The following ATP8B4 variants were observed in gnomAD, a reference collection of about 807,000 sequenced individuals.
ATP8B4 encodes the protein ATPase phospholipid transporting 8B4 (putative), also known as probable phospholipid-transporting ATPase IM.
A neutral mutation model predicts 145.6 loss-of-function variants in ATP8B4; 133 were observed. The ratio of observed to expected loss-of-function variants is 0.91; its 90% CI spans 0.79 to 1.05. ATP8B4 has a LOEUF of 1.05. Ranked by LOEUF, ATP8B4 falls within the 50% of genes least tolerant of loss-of-function variation. The probability of loss-of-function intolerance (pLI) is 0.00; values close to 1 mark genes in which losing one functional copy is unlikely to be tolerated. For synonymous variants in ATP8B4, 507 were observed against 492.9 expected (o/e 1.03, Z -0.38); for missense variants, 1,458 against 1,425.2 (o/e 1.02, Z -0.37).
At chr15:49,936,041 C>T (rs1814460) in intron 14 of ATP8B4, among the ~76,000 whole-genome samples, 82,855 of 151,878 alleles carry the variant, frequency 0.55, 23,622 homozygotes, top group Middle Eastern at 0.63. Flanking sequence ...TGTGTTCTTT[C>T]CTGTAGCCAA....
intron 10 of ATP8B4, among the ~76,000 whole-genome samples, chr15:49,984,428 G>A (rs1390755663): frequency 6.6e-6 from 1 of 152,090 alleles, no homozygotes. Context: ...GATTATAGGG[G>A]AAACAAAAGG....
At chr15:49,943,349 T>C (rs1431537122) in intron 14 of ATP8B4, among the ~76,000 whole-genome samples, 2 of 151,564 alleles carry the variant, frequency 1.3e-5, no homozygotes, top group African/African-American at 2.4e-5. Flanking sequence ...GAGAAGGAAA[T>C]GGAGATCCAT....
upstream of ATP8B4, among the ~76,000 whole-genome samples, chr15:50,120,772 T>C (rs2057261269): frequency 6.6e-6 from 1 of 152,178 alleles, no homozygotes; most frequent in South Asian, 2.1e-4. Flanking sequence ...GGTATATTGA[T>C]ACAAAAGAGT....
intron 14 of ATP8B4, among the ~76,000 whole-genome samples, chr15:49,954,484 CAA>C (rs1203566169): frequency 1.3e-5 from 2 of 151,952 alleles, no homozygotes; most frequent in Admixed American, 1.3e-4. Context: ...AATCATCAAG[CAA>C]AAAATGAATA....
At chr15:50,162,363 T>C (rs558586341) in intron 1 of ATP8B4, among the ~76,000 whole-genome samples, 14 of 151,622 alleles carry the variant, frequency 9.2e-5, no homozygotes, top group African/African-American at 3.4e-4. Context: ...TTAATATATT[T>C]CCCCAAATAC....
chr15:49,998,519 T>G (rs2047613631), intron 8 of ATP8B4, among the ~76,000 whole-genome samples: 1 of 152,238 alleles, frequency 6.6e-6, no homozygotes, highest in South Asian at 2.1e-4. Context: ...CACGTGTTTT[T>G]TGGCTGCATA....
intron 20 of ATP8B4, among the ~76,000 whole-genome samples, chr15:49,916,168 A>G (rs775403092): frequency 2.6e-5 from 4 of 152,114 alleles, no homozygotes; most frequent in Non-Finnish European, 5.9e-5. Context: ...AAGTTCTAGG[A>G]AAATATTTTT....
intron 14 of ATP8B4, among the ~76,000 whole-genome samples, chr15:49,955,844 T>C (rs1482283559): frequency 6.6e-6 from 1 of 152,080 alleles, no homozygotes; most frequent in Non-Finnish European, 1.5e-5. Flanking sequence ...TGAAATAAAA[T>C]GGTTCTTGCT....
intron 1 of ATP8B4, among the ~76,000 whole-genome samples, chr15:50,161,877 T>C (rs2044524595): frequency 6.6e-6 from 1 of 152,204 alleles, no homozygotes; most frequent in South Asian, 2.1e-4. Flanking sequence ...GATGATTTCT[T>C]AATCATTTTT....
At chr15:49,932,889 T>C (rs1485827718) in intron 15 of ATP8B4, among the ~76,000 whole-genome samples, 2 of 152,038 alleles carry the variant, frequency 1.3e-5, no homozygotes, top group South Asian at 4.1e-4. Context: ...CTTGCCTAAA[T>C]AGAACCCTCC....
At chr15:49,985,483 G>T (rs889611431) in intron 10 of ATP8B4, among the ~76,000 whole-genome samples, 2 of 152,176 alleles carry the variant, frequency 1.3e-5, no homozygotes, top group Non-Finnish European at 2.9e-5. Context: ...ACATCCATTT[G>T]TTCATCTCCG....
rs554622655 is a variant in ATP8B4 at position 50,100,951 on chromosome 15, T to C, written c.28+5988A>G. On this transcript the variant is annotated intron_variant, in intron 2 of 27. Coordinates refer to ENST00000284509, the MANE Select transcript of ATP8B4 (RefSeq NM_024837.4). ...TAAAAAAACAATTATGTACACAGTA[T>C]TTGTGCCAAAAATGTTTAACCCAAA... is the stretch of plus-strand genomic sequence containing the variant. 2.6e-5 allele frequency among the ~76,000 whole-genome samples: 4 copies of C among 152,348 alleles called. No homozygotes were observed. The East Asian group carries it at 7.7e-4, about 29-fold the overall frequency.
intron 23 of ATP8B4, among the ~76,000 whole-genome samples, chr15:49,893,052 T>A (rs1566940659): frequency 6.6e-6 from 1 of 152,226 alleles, no homozygotes; most frequent in Non-Finnish European, 1.5e-5. Context: ...GGGAACTGGA[T>A]GAAGTCACAC....
intron 2 of ATP8B4, among the ~76,000 whole-genome samples, chr15:50,086,602 AT>A (rs1235948870): frequency 9.5e-5 from 11 of 115,842 alleles, no homozygotes; most frequent in African/African-American, 3.8e-4. Context: ...AGAGATCTAT[AT>A]TTATTATATA....
At chr15:50,124,537 A>C (rs2057294868) in intron 1 of ATP8B4, among the ~76,000 whole-genome samples, 1 of 152,198 alleles carries the variant, frequency 6.6e-6, no homozygotes, top group South Asian at 2.1e-4. Flanking sequence ...CTACTAATAA[A>C]ATTTCAGGAA....
At chr15:49,962,868 A>AT (rs1457977766) in intron 13 of ATP8B4, among the ~76,000 whole-genome samples, 1 of 152,030 alleles carries the variant, frequency 6.6e-6, no homozygotes, top group African/African-American at 2.4e-5. Flanking sequence ...TGAGTCATTA[A>AT]TTTTTTAAAT....
chr15:50,022,147 T>C (rs1264950003), intron 6 of ATP8B4, among the ~76,000 whole-genome samples: 1 of 103,846 alleles, frequency 9.6e-6, no homozygotes, highest in Non-Finnish European at 1.7e-5. Flanking sequence ...CATATATGTA[T>C]ATTTGCCACA....
At chr15:50,173,806 C>A (rs1197824117) in intron 1 of ATP8B4, among the ~76,000 whole-genome samples, 1 of 152,008 alleles carries the variant, frequency 6.6e-6, no homozygotes, top group Non-Finnish European at 1.5e-5. Flanking sequence ...GCCAGCATCA[C>A]CCTAATACCA....
chr15:49,861,193 C>A (rs928513521), intron 27 of ATP8B4, among the ~76,000 whole-genome samples: 14 of 152,042 alleles, frequency 9.2e-5, no homozygotes, highest in Admixed American at 4.6e-4. Context: ...AGGAGAAAAC[C>A]ATCAAGCAGA....
Sources: allele counts gnomAD v4.1 joint callset (sites outside exome capture counted in the v4.1 genomes callset), GRCh38; gene constraint gnomAD v4.1.1; transcripts MANE v1.5; gene names NCBI Gene and HGNC (gene_info 2026-07-23, HGNC 2026-07-21).